Variants in LMNB1 observed in about 807,000 individuals in gnomAD.
LMNB1 encodes lamin-B1.
A neutral mutation model predicts 67.1 loss-of-function variants in LMNB1; 23 were observed. That is an observed-to-expected ratio of 0.34 (90% confidence interval 0.25 to 0.49). The LOEUF is 0.49. Among genes scored for constraint, LMNB1 ranks in the 20% least tolerant of loss-of-function variants. The pLI is 0.99. For synonymous variants in LMNB1, 281 were observed against 282.9 expected (o/e 0.99, Z 0.07); for missense variants, 634 against 746.5 (o/e 0.85, Z 1.76).
rs75221210 is a variant in LMNB1 at position 126,785,393 on chromosome 5, G to C, written c.359+7526G>C. ...TACAGCCTCTGCCTCCCGTGTTCAA[G>C]CAATTCTCCTGCCTCAGCCTCCTGA... On this transcript the variant is annotated intron_variant, in intron 1 of 10. Transcript: ENST00000261366. Among the ~76,000 whole-genome samples the C allele has an allele frequency of 2.2e-4, 33 of 151,256 alleles. No homozygotes were observed. The East Asian group carries it at 5.1e-3, about 23-fold the overall frequency.
chr5:126,818,211 G>A lies in LMNB1; in HGVS notation c.940-711G>A, dbSNP rs190119446. Among the ~76,000 whole-genome samples the A allele has an allele frequency of 2.0e-3, 295 of 151,176 alleles. 2 individuals carry two copies. Among genetic ancestry groups the A allele is most frequent in the African/African-American group, 6.6e-3 (274 of 41,218 alleles). The stretch of plus-strand genomic sequence containing the variant: ...TAAAACGTACTTTTACCCACTCTTA[G>A]GTTTATTTTGTCAGTCAGTGTTTAT... On this transcript the variant is annotated intron_variant, in intron 5 of 10. Transcript: ENST00000261366.
At chr5:126,802,809 T>C (rs1561743238) in intron 1 of LMNB1, among the ~76,000 whole-genome samples, 1 of 152,230 alleles carries the variant, frequency 6.6e-6, no homozygotes, top group African/African-American at 2.4e-5. Flanking sequence ...AGAGAAATAC[T>C]GACCTTTAAA....
intron 1 of LMNB1, among the ~76,000 whole-genome samples, chr5:126,802,530 A>G (rs555203448): frequency 2.0e-5 from 3 of 151,976 alleles, no homozygotes; most frequent in Non-Finnish European, 2.9e-5. Flanking sequence ...TGCAACCTCT[A>G]CCTCCCGGGT....
rs1353362354 is a variant in LMNB1, at chr5:126,831,469, T to C, written c.1612-1225T>C. 2.6e-5 allele frequency among the ~76,000 whole-genome samples: 4 copies of C among 152,370 alleles called. No individual in the cohort carries two copies. In the East Asian group the frequency reaches 7.7e-4, roughly 29 times the overall value. ...TGCTTTCTGTCATACCTTTAGTGAA[T>C]GATAGGAGACCTATTTCTGTACAGA... On this transcript the variant is annotated intron_variant, in intron 9 of 10. Coordinates refer to ENST00000261366, the MANE Select transcript of LMNB1 (RefSeq NM_005573.4).
chr5:126,808,028 T>A (rs1274664853), intron 3 of LMNB1, among the ~76,000 whole-genome samples: 1 of 151,794 alleles, frequency 6.6e-6, no homozygotes, highest in Non-Finnish European at 1.5e-5. Flanking sequence ...TGTGCCACCA[T>A]GCCCGGCTAA....
chr5:126,787,302 A>G (rs1750812275), intron 1 of LMNB1, among the ~76,000 whole-genome samples: 1 of 151,860 alleles, frequency 6.6e-6, no homozygotes, highest in Admixed American at 6.6e-5. Flanking sequence ...ATCCCAGGGG[A>G]ATCTGAGCTA....
intron 5 of LMNB1, 96 bp from the exon 6 acceptor site, chr5:126,818,826 G>C: frequency 1.2e-6 from 1 of 855,234 alleles, no homozygotes; most frequent in Non-Finnish European, 1.9e-6. Context: ...CCATAGGGTT[G>C]TACTGTTTTC....
At position 126,777,796 on chromosome 5, in the gene LMNB1, G is replaced by A; in HGVS notation, c.288G>A (p.Thr96=). Residue 96 remains threonine (T), a synonymous_variant, in exon 1 of 11, where the codon ACG becomes ACA. Coordinates refer to ENST00000261366, the MANE Select transcript of LMNB1 (RefSeq NM_005573.4). ...LADARRALDD[T]ARERAKLQIE... is the part of the protein sequence containing the mutation. ...ACGCGCGACGCGCGCTCGACGACAC[G>A]GCCCGCGAGCGCGCCAAGCTGCAGA... The A allele has an allele frequency of 4.0e-6, 6 of 1,496,554 alleles. No individual in the cohort carries two copies. The highest frequency in any genetic ancestry group is 5.4e-6 in the Non-Finnish European group (6 of 1,120,480). The allele number at this position is 1,496,554 out of a possible 1,614,324, so 92.7% of individuals were successfully genotyped here. A position where few individuals can be genotyped will look rare whatever the true frequency, so the allele number is the denominator to read the frequency against.
intron 5 of LMNB1, 95 bp downstream of exon 5, chr5:126,811,993 C>G: frequency 8.1e-7 from 1 of 1,236,892 alleles, no homozygotes; most frequent in African/African-American, 1.5e-5. Context: ...ACTCCTCCCT[C>G]TGTTTGTTAC....
intron 1 of LMNB1, among the ~76,000 whole-genome samples, chr5:126,781,167 C>T (rs1317704097): frequency 3.3e-5 from 5 of 152,106 alleles, no homozygotes; most frequent in Non-Finnish European, 7.4e-5. Flanking sequence ...TGGACGCCTG[C>T]AATCCCAGTT....
chr5:126,805,441 TG>T (rs1751391050), intron 2 of LMNB1, 129 bp from the exon 3 acceptor site: 1 of 641,696 alleles, frequency 1.6e-6, no homozygotes, highest in Non-Finnish European at 2.6e-6. Context: ...AATGTTAAGA[TG>T]AAGTAATTAT....
rs1053730992 is a variant in LMNB1, at chr5:126,804,872, A to G, written c.456A>G (p.Ala152=). 1.9e-6 allele frequency: 3 copies of G among 1,614,176 alleles called. No individual in the cohort carries two copies. Among genetic ancestry groups the G allele is most frequent in the East Asian group, 2.2e-5 (1 of 44,880 alleles). Residue 152 remains alanine, a synonymous_variant, in exon 2 of 11, where the codon GCA becomes GCG. Coordinates refer to ENST00000261366, the MANE Select transcript of LMNB1 (RefSeq NM_005573.4). The stretch of plus-strand genomic sequence containing the variant: ...CGAAAGATGCAGCTCTTGCTACTGC[A>G]CTTGGTGACAAAAAAAGTTTAGAGG... ...LNSKDAALAT[A]LGDKKSLEGD...
chr5:126,791,745 G>A (rs1473398204), intron 1 of LMNB1, among the ~76,000 whole-genome samples: 1 of 151,210 alleles, frequency 6.6e-6, no homozygotes. Context: ...GGGATTACAG[G>A]TGTGAACCAT....
chr5:126,833,275 G>A (rs997018842), intron 10 of LMNB1, among the ~76,000 whole-genome samples: 9 of 152,160 alleles, frequency 5.9e-5, no homozygotes, highest in African/African-American at 2.4e-5. Flanking sequence ...TTGGCTGATG[G>A]TTGGGCTTTT....
chr5:126,835,648 C>T (rs1029017680), intron 10 of LMNB1, among the ~76,000 whole-genome samples: 6 of 152,176 alleles, frequency 3.9e-5, no homozygotes, highest in Admixed American at 2.0e-4. Context: ...TACCCTTTCC[C>T]AGTAAAATGA....
chr5:126,828,485 A>G, intron 9 of LMNB1, among the ~76,000 whole-genome samples: 1 of 152,300 alleles, frequency 6.6e-6, no homozygotes, highest in East Asian at 1.9e-4. Context: ...TACTGATGAC[A>G]TATTAGTAAA....
At position 126,792,567 on chromosome 5, in the gene LMNB1, A is replaced by ATTTTT. The variant is rs752371260; in HGVS notation, c.360-12187_360-12183dup. Among the ~76,000 whole-genome samples, 170 of 99,166 alleles carry ATTTTT rather than the reference A, an allele frequency of 1.7e-3. 4 individuals are homozygous for ATTTTT. The highest frequency in any genetic ancestry group is 6.9e-3 in the African/African-American group (164 of 23,722). 65.1% of individuals were successfully genotyped at this position (99,166 alleles called of 152,430 possible). A position where few individuals can be genotyped will look rare whatever the true frequency, so the allele number is the denominator to read the frequency against. On this transcript the variant is annotated intron_variant, in intron 1 of 10. Coordinates refer to ENST00000261366, the MANE Select transcript of LMNB1 (RefSeq NM_005573.4). ...GTGCAGGGAACAGAAAGCACTAGGG[A>ATTTTT]TTTTTTTTTTTTTTTTTTTTTTTTT...
intron 7 of LMNB1, among the ~76,000 whole-genome samples, chr5:126,822,167 G>A (rs925555531): frequency 6.6e-6 from 1 of 152,072 alleles, no homozygotes; most frequent in Non-Finnish European, 1.5e-5. Flanking sequence ...GCTGATTTTT[G>A]TATTTTTACA....
At chr5:126,796,062 A>T (rs1271292400) in intron 1 of LMNB1, among the ~76,000 whole-genome samples, 2 of 149,938 alleles carry the variant, frequency 1.3e-5, no homozygotes, top group Non-Finnish European at 3.0e-5. Flanking sequence ...CCTCCCAAGT[A>T]GCTGAGATTA....
Sources: gnomAD v4.1 joint callset for allele counts (sites outside exome capture counted in the v4.1 genomes callset) on GRCh38, gnomAD v4.1.1 for gene constraint, MANE v1.5 for transcripts, NCBI Gene and HGNC (gene_info 2026-07-23, HGNC 2026-07-21) for gene names.